Variants in SLC39A11 observed in about 807,000 individuals in gnomAD.
The protein encoded by SLC39A11 is zinc transporter ZIP11.
A neutral mutation model predicts 36.1 loss-of-function variants in SLC39A11; 33 were observed. The ratio of observed to expected loss-of-function variants is 0.91; its 90% CI spans 0.69 to 1.22. SLC39A11 has a LOEUF of 1.22. Ranked by LOEUF, SLC39A11 falls within the 50% of genes most tolerant of loss-of-function variation. SLC39A11 has a pLI of 0.00. For missense variants in SLC39A11, 432 were observed against 430.3 expected, an observed-to-expected ratio of 1.00 and a Z score of -0.03; for synonymous variants, 166 against 170.3, an observed-to-expected ratio of 0.97 and a Z score of 0.20.
chr17:72,659,574 CTTT>C (rs34383683), intron 7 of SLC39A11, among the ~76,000 whole-genome samples: 29 of 61,190 alleles, frequency 4.7e-4, no homozygotes, highest in African/African-American at 1.7e-3. Context: ...CTCTGTGACT[CTTT>C]TTTTTTTTTT....
intron 3 of SLC39A11, among the ~76,000 whole-genome samples, chr17:73,048,023 A>G (rs1459029077): frequency 1.7e-5 from 2 of 120,144 alleles, no homozygotes; most frequent in African/African-American, 6.2e-5. Context: ...ATATATATAT[A>G]TATCATGTAT....
chr17:72,835,834 A>G (rs2078514748), intron 6 of SLC39A11, among the ~76,000 whole-genome samples: 1 of 152,200 alleles, frequency 6.6e-6, no homozygotes, highest in African/African-American at 2.4e-5. Context: ...CAGCTGGGAA[A>G]GCTAAGACTC....
chr17:72,916,731 A>G (rs1366007098), intron 5 of SLC39A11, among the ~76,000 whole-genome samples: 1 of 152,130 alleles, frequency 6.6e-6, no homozygotes, highest in Non-Finnish European at 1.5e-5. Context: ...TCCTGGGTCC[A>G]TATATACCCT....
intron 6 of SLC39A11, among the ~76,000 whole-genome samples, chr17:72,745,780 T>C (rs984480968): frequency 2.6e-5 from 4 of 152,208 alleles, no homozygotes; most frequent in African/African-American, 9.6e-5. Context: ...GCAAAGGCCA[T>C]GCAGAAAATA....
chr17:73,045,389 A>T (rs1415712830), intron 3 of SLC39A11, among the ~76,000 whole-genome samples: 127 of 128,606 alleles, frequency 9.9e-4, no homozygotes, highest in African/African-American at 3.5e-3. Flanking sequence ...ACAGAGTTAA[A>T]AAAAAAAAAA....
At chr17:72,857,408 T>C (rs1334811980) in intron 5 of SLC39A11, among the ~76,000 whole-genome samples, 1 of 152,234 alleles carries the variant, frequency 6.6e-6, no homozygotes, top group East Asian at 1.9e-4. Context: ...GTTGATTCCA[T>C]GTCCTTGCCA....
chr17:72,801,274 G>T (rs1057390726), intron 6 of SLC39A11, among the ~76,000 whole-genome samples: 1 of 152,224 alleles, frequency 6.6e-6, no homozygotes, highest in Non-Finnish European at 1.5e-5. Flanking sequence ...ATGCTGGAGT[G>T]CAGGGCCACA....
At chr17:73,063,022 A>G (rs1360998936) in intron 3 of SLC39A11, among the ~76,000 whole-genome samples, 1 of 152,110 alleles carries the variant, frequency 6.6e-6, no homozygotes, top group Non-Finnish European at 1.5e-5. Flanking sequence ...CAGACCAGTA[A>G]GTCTTGGGGG....
At chr17:72,983,561 A>T (rs1309235188) in intron 4 of SLC39A11, among the ~76,000 whole-genome samples, 1 of 152,232 alleles carries the variant, frequency 6.6e-6, no homozygotes, top group African/African-American at 2.4e-5. Context: ...ACAGACTAAT[A>T]TATCTACACT....
chr17:72,687,908 G>A (rs1457405755), intron 7 of SLC39A11, among the ~76,000 whole-genome samples: 1 of 152,104 alleles, frequency 6.6e-6, no homozygotes, highest in Non-Finnish European at 1.5e-5. Flanking sequence ...CATCTCCAAG[G>A]CCACACACCT....
intron 7 of SLC39A11, among the ~76,000 whole-genome samples, chr17:72,696,234 G>T (rs191005867): frequency 1.4e-3 from 212 of 152,110 alleles, no homozygotes; most frequent in African/African-American, 4.7e-3. Context: ...GGTGGAGATC[G>T]GAAAGCATGG....
chr17:72,833,512 T>C (rs551292255), intron 6 of SLC39A11, among the ~76,000 whole-genome samples: 1 of 152,278 alleles, frequency 6.6e-6, no homozygotes, highest in African/African-American at 2.4e-5. Flanking sequence ...TCTAGAGGCA[T>C]TGGGGGATGA....
chr17:72,932,297 T>TATG (rs2084449781), intron 5 of SLC39A11, among the ~76,000 whole-genome samples: 2 of 151,456 alleles, frequency 1.3e-5, no homozygotes, highest in Admixed American at 6.6e-5. Context: ...GTTCTTTTAT[T>TATG]ATTATTATTA....
chr17:72,669,617 T>A (rs1462352449), intron 7 of SLC39A11, among the ~76,000 whole-genome samples: 22 of 152,210 alleles, frequency 1.4e-4, no homozygotes, highest in Admixed American at 1.4e-3. Flanking sequence ...ATCACTTGCA[T>A]AAAGTAGTTT....
intron 5 of SLC39A11, among the ~76,000 whole-genome samples, chr17:72,931,000 G>A (rs2084361125): frequency 6.6e-6 from 1 of 152,142 alleles, no homozygotes; most frequent in Admixed American, 6.5e-5. Context: ...TGCTGCACTG[G>A]GGCTGCACGT....
At chr17:72,973,834 T>C (rs1423919080) in intron 4 of SLC39A11, among the ~76,000 whole-genome samples, 2 of 152,146 alleles carry the variant, frequency 1.3e-5, no homozygotes, top group Non-Finnish European at 1.5e-5. Flanking sequence ...GTGCTGAGAT[T>C]AAGGCATGAA....
At chr17:72,680,948 G>T (rs1353136849) in intron 7 of SLC39A11, among the ~76,000 whole-genome samples, 1 of 152,038 alleles carries the variant, frequency 6.6e-6, no homozygotes, top group Non-Finnish European at 1.5e-5. Flanking sequence ...CGGTTTCTTT[G>T]TTTGTTTTTT....
chr17:72,762,597 C>T (rs1315031609), intron 6 of SLC39A11, among the ~76,000 whole-genome samples: 1 of 152,144 alleles, frequency 6.6e-6, no homozygotes, highest in Non-Finnish European at 1.5e-5. Context: ...TTCTTTTATT[C>T]CTTTACTTTC....
At chr17:72,847,373 G>C (rs2145959073) in intron 6 of SLC39A11, among the ~76,000 whole-genome samples, 1 of 149,246 alleles carries the variant, frequency 6.7e-6, no homozygotes, top group South Asian at 2.1e-4. Context: ...CTGCACTCCA[G>C]CCTGGGCGAC....
Sources: gnomAD v4.1 joint callset for allele counts (sites outside exome capture counted in the v4.1 genomes callset) on GRCh38, gnomAD v4.1.1 for gene constraint, MANE v1.5 for transcripts, NCBI Gene and HGNC (gene_info 2026-07-23, HGNC 2026-07-21) for gene names.